The following PRKG1 variants were observed in gnomAD, a reference collection of about 807,000 sequenced individuals.
The protein encoded by PRKG1 is cGMP-dependent protein kinase 1.
A neutral mutation model predicts 88.1 loss-of-function variants in PRKG1; 35 were observed. The observed-to-expected ratio is 0.40, with a 90% confidence interval of 0.30 to 0.53. The LOEUF (loss-of-function observed/expected upper bound fraction) is 0.53. PRKG1 is among the 20% of genes least tolerant of loss of function. The probability of loss-of-function intolerance (pLI) is 0.59; values close to 1 mark genes in which losing one functional copy is unlikely to be tolerated. For missense variants in PRKG1, 540 were observed against 839.8 expected (o/e 0.64, Z 4.41); for synonymous variants, 303 against 292.5 (o/e 1.04, Z -0.37).
intron 3 of PRKG1, among the ~76,000 whole-genome samples, chr10:51,678,166 A>G (rs147202181): frequency 5.4e-4 from 82 of 152,280 alleles, no homozygotes; most frequent in Non-Finnish European, 9.7e-4. Flanking sequence ...ACAATCATTA[A>G]CAAATATAAA....
At chr10:51,758,396 A>G (rs1837926995) in intron 3 of PRKG1, among the ~76,000 whole-genome samples, 1 of 152,242 alleles carries the variant, frequency 6.6e-6, no homozygotes, top group Non-Finnish European at 1.5e-5. Flanking sequence ...ACCAACGTTA[A>G]TCATTTGTTA....
At chr10:51,915,402 TC>T (rs1469716532) in intron 5 of PRKG1, among the ~76,000 whole-genome samples, 2 of 152,250 alleles carry the variant, frequency 1.3e-5, no homozygotes, top group East Asian at 3.8e-4. Context: ...AAGTTTCTGT[TC>T]TTTCTCAATT....
At chr10:52,210,651 A>T (rs1319848367) in intron 9 of PRKG1, among the ~76,000 whole-genome samples, 3 of 152,196 alleles carry the variant, frequency 2.0e-5, no homozygotes, top group Admixed American at 2.0e-4. Flanking sequence ...AACAAAGAAA[A>T]ATGAAATCTC....
chr10:51,934,646 G>C (rs537649436), intron 5 of PRKG1, among the ~76,000 whole-genome samples: 2 of 152,250 alleles, frequency 1.3e-5, no homozygotes, highest in South Asian at 4.1e-4. Context: ...CCATAGCAGA[G>C]GCAAAGGTTT....
intron 2 of PRKG1, among the ~76,000 whole-genome samples, chr10:51,176,334 G>A (rs967231543): frequency 8.5e-5 from 13 of 152,054 alleles, no homozygotes; most frequent in African/African-American, 1.7e-4. Context: ...CATTTTGCCC[G>A]TCAGGTGCAG....
intron 1 of PRKG1, among the ~76,000 whole-genome samples, chr10:51,109,470 G>T (rs980363014): frequency 6.6e-6 from 1 of 151,952 alleles, no homozygotes; most frequent in South Asian, 2.1e-4. Flanking sequence ...AAGCGCAAAG[G>T]CAATTAAGTG....
intron 1 of PRKG1, among the ~76,000 whole-genome samples, chr10:51,044,631 A>G (rs1843464698): frequency 6.6e-6 from 1 of 151,976 alleles, no homozygotes; most frequent in African/African-American, 2.4e-5. Context: ...CACACCACAT[A>G]GCTTATAGAC....
At chr10:52,274,356 T>C (rs1841814457) in intron 12 of PRKG1, among the ~76,000 whole-genome samples, 2 of 151,422 alleles carry the variant, frequency 1.3e-5, no homozygotes, top group South Asian at 2.1e-4. Flanking sequence ...CTCCCACATA[T>C]CAGTGAGAAC....
At chr10:51,982,414 T>G (rs1844033020) in intron 5 of PRKG1, among the ~76,000 whole-genome samples, 1 of 152,210 alleles carries the variant, frequency 6.6e-6, no homozygotes, top group Admixed American at 6.5e-5. Flanking sequence ...TCAGAGTTCT[T>G]GAGCTGGTTC....
At chr10:51,608,481 A>G (rs1235314540) in intron 3 of PRKG1, among the ~76,000 whole-genome samples, 1 of 152,204 alleles carries the variant, frequency 6.6e-6, no homozygotes, top group East Asian at 1.9e-4. Context: ...AAACTGGTTG[A>G]TGTCAGCTGT....
intron 3 of PRKG1, among the ~76,000 whole-genome samples, chr10:51,527,335 A>C (rs1490852315): frequency 6.6e-6 from 1 of 152,114 alleles, no homozygotes; most frequent in Non-Finnish European, 1.5e-5. Context: ...TGAGATGATA[A>C]AATGTAAACA....
intron 9 of PRKG1, among the ~76,000 whole-genome samples, chr10:52,211,003 T>A (rs954013396): frequency 6.6e-6 from 1 of 152,226 alleles, no homozygotes. Flanking sequence ...ACTGGCACCA[T>A]CAGTTATATA....
At chr10:51,157,645 A>G (rs113395399) in intron 2 of PRKG1, among the ~76,000 whole-genome samples, 2,733 of 151,918 alleles carry the variant, frequency 0.018, 45 homozygotes, top group Middle Eastern at 0.055. Flanking sequence ...ACCTATTATA[A>G]TGATTGATTT....
chr10:51,685,806 C>A (rs1840973506), intron 3 of PRKG1, among the ~76,000 whole-genome samples: 1 of 152,112 alleles, frequency 6.6e-6, no homozygotes, highest in African/African-American at 2.4e-5. Flanking sequence ...TGGAGTAAGT[C>A]TGTGGTTTTG....
At chr10:51,556,640 T>C (rs1160230486) in intron 3 of PRKG1, among the ~76,000 whole-genome samples, 1 of 152,002 alleles carries the variant, frequency 6.6e-6, no homozygotes, top group Non-Finnish European at 1.5e-5. Context: ...AAATGCTACA[T>C]GATCTCACTT....
intron 10 of PRKG1, 128 bp downstream of exon 10, chr10:52,251,794 G>A (rs548274972): frequency 2.5e-6 from 2 of 791,944 alleles, no homozygotes; most frequent in Non-Finnish European, 4.0e-6. Context: ...TCCTAAATCA[G>A]TTCCAAATAC....
chr10:51,974,441 C>T (rs1843780590), intron 5 of PRKG1, among the ~76,000 whole-genome samples: 1 of 152,130 alleles, frequency 6.6e-6, no homozygotes, highest in Non-Finnish European at 1.5e-5. Context: ...TTCTGTTTAG[C>T]CTTGCATCAC....
intron 3 of PRKG1, among the ~76,000 whole-genome samples, chr10:51,758,093 A>T (rs16922625): frequency 0.029 from 4,411 of 152,326 alleles, 221 homozygotes; most frequent in African/African-American, 0.1. Flanking sequence ...TTTATCACAT[A>T]TGAAGTTTTC....
At chr10:51,956,410 A>C (rs932383630) in intron 5 of PRKG1, among the ~76,000 whole-genome samples, 1 of 151,834 alleles carries the variant, frequency 6.6e-6, no homozygotes, top group East Asian at 1.9e-4. Flanking sequence ...ATTATCAATT[A>C]TTTTTGAATA....
Sources: allele counts gnomAD v4.1 joint callset (sites outside exome capture counted in the v4.1 genomes callset), GRCh38; gene constraint gnomAD v4.1.1; transcripts MANE v1.5; gene names NCBI Gene and HGNC (gene_info 2026-07-23, HGNC 2026-07-21).